Variants in MTMR12 observed in about 807,000 individuals in gnomAD.
MTMR12 encodes myotubularin-related protein 12.
A neutral mutation model predicts 96.7 loss-of-function variants in MTMR12; 33 were observed. That is an observed-to-expected ratio of 0.34 (90% confidence interval 0.26 to 0.46). The LOEUF is 0.46. Among genes scored for constraint, MTMR12 ranks in the 20% least tolerant of loss-of-function variants. MTMR12 has a pLI of 1.00. For missense variants in MTMR12, 721 were observed against 896.1 expected (o/e 0.80, Z 2.49); for synonymous variants, 298 against 327.2 (o/e 0.91, Z 0.96).
chr5:32,301,208 A>C (rs1751129116), intron 1 of MTMR12, among the ~76,000 whole-genome samples: 2 of 152,188 alleles, frequency 1.3e-5, no homozygotes. Context: ...GGCCAAGAGA[A>C]TACATTTGGG....
At chr5:32,281,842 G>A (rs747046222) in intron 1 of MTMR12, among the ~76,000 whole-genome samples, 1 of 151,672 alleles carries the variant, frequency 6.6e-6, no homozygotes, top group Non-Finnish European at 1.5e-5. Context: ...GGAGGCTGCA[G>A]TGAGCTGAGA....
chr5:32,241,246 T>A (rs1424568234), intron 12 of MTMR12, among the ~76,000 whole-genome samples: 2 of 152,202 alleles, frequency 1.3e-5, no homozygotes, highest in African/African-American at 4.8e-5. Flanking sequence ...TCTCATTAGG[T>A]TGCAAACTTC....
rs114595323 is a variant in MTMR12, at chr5:32,285,826, A to G, written c.82-9084T>C. Among the ~76,000 whole-genome samples, 283 of 152,216 alleles carry G rather than the reference A, an allele frequency of 1.9e-3. 1 individual carries two copies. Among genetic ancestry groups the G allele is most frequent in the African/African-American group, 6.5e-3 (271 of 41,526 alleles). ...AGACACACCTGCTGGAACCCATATC[A>G]CACAGCTGGTCTAGCATCAAAAAAG... On this transcript the variant is annotated intron_variant, in intron 1 of 15. Transcript: ENST00000382142.
At chr5:32,276,050 G>A (rs1025078739) in intron 2 of MTMR12, among the ~76,000 whole-genome samples, 1 of 152,182 alleles carries the variant, frequency 6.6e-6, no homozygotes, top group Non-Finnish European at 1.5e-5. Flanking sequence ...TTAAATACAT[G>A]GATCACAGAA....
intron 1 of MTMR12, among the ~76,000 whole-genome samples, chr5:32,280,701 C>T (rs538416365): frequency 6.6e-6 from 1 of 152,260 alleles, no homozygotes; most frequent in Admixed American, 6.5e-5. Flanking sequence ...GGGCCACAGT[C>T]CAAATATGGC....
chr5:32,241,851 T>C (rs1339133698), intron 12 of MTMR12, among the ~76,000 whole-genome samples: 4 of 152,234 alleles, frequency 2.6e-5, no homozygotes, highest in Non-Finnish European at 5.9e-5. Flanking sequence ...TGAATAGGTC[T>C]GCCAAGTGCA....
chr5:32,254,150 A>G (rs988834568), intron 8 of MTMR12, among the ~76,000 whole-genome samples: 2 of 152,194 alleles, frequency 1.3e-5, no homozygotes, highest in Admixed American at 6.5e-5. Flanking sequence ...AGACTGAAAG[A>G]TAGAGACTCT....
chr5:32,266,949 G>A (rs182285963), intron 6 of MTMR12, among the ~76,000 whole-genome samples: 2,752 of 149,928 alleles, frequency 0.018, 53 homozygotes, highest in Non-Finnish European at 0.029. Context: ...GCATGGTGGC[G>A]CACACCTGTA....
At chr5:32,286,613 G>A (rs1267545557) in intron 1 of MTMR12, among the ~76,000 whole-genome samples, 1 of 152,068 alleles carries the variant, frequency 6.6e-6, no homozygotes, top group African/African-American at 2.4e-5. Flanking sequence ...GTACCAGAAG[G>A]CTACAAAAGA....
rs1747872384 is a variant in MTMR12, at chr5:32,228,741, T to C, written c.*1037A>G. ...TCACTGAGGTATCATATGATAATCA[T>C]CACTTCTGATATTTATGTTTAAGCT... On this transcript the variant is annotated 3_prime_UTR_variant, in exon 16 of 16. Coordinates refer to ENST00000382142, the MANE Select transcript of MTMR12 (RefSeq NM_001040446.3). 1 of 151,432 alleles carries C rather than the reference T, an allele frequency of 6.6e-6. No homozygotes were observed. The highest frequency in any genetic ancestry group is 1.5e-5 in the Non-Finnish European group (1 of 67,908). The allele number at this position is 151,432 out of a possible 1,614,324, so 9.4% of individuals were successfully genotyped here.
At chr5:32,310,310 G>A (rs1356492589) in intron 1 of MTMR12, among the ~76,000 whole-genome samples, 1 of 152,056 alleles carries the variant, frequency 6.6e-6, no homozygotes, top group African/African-American at 2.4e-5. Context: ...CTCTAAAAAA[G>A]GAAGAAAGGA....
At chr5:32,309,072 T>C (rs1346798125) in intron 1 of MTMR12, among the ~76,000 whole-genome samples, 2 of 126,336 alleles carry the variant, frequency 1.6e-5, no homozygotes, top group African/African-American at 3.0e-5. Context: ...ATGTGACCAC[T>C]TCAGGCTTAT....
chr5:32,259,866 T>C (rs756905969), intron 7 of MTMR12, among the ~76,000 whole-genome samples: 1 of 151,858 alleles, frequency 6.6e-6, no homozygotes, highest in Non-Finnish European at 1.5e-5. Flanking sequence ...TGAAACCCCG[T>C]CTCTACCAAA....
chr5:32,272,465 C>T (rs1401439061), intron 3 of MTMR12, among the ~76,000 whole-genome samples: 2 of 152,004 alleles, frequency 1.3e-5, no homozygotes, highest in African/African-American at 4.8e-5. Flanking sequence ...CTGCAACCTC[C>T]ACCTCTCAGG....
At chr5:32,281,614 C>A (rs1750297173) in intron 1 of MTMR12, among the ~76,000 whole-genome samples, 1 of 152,138 alleles carries the variant, frequency 6.6e-6, no homozygotes, top group African/African-American at 2.4e-5. Flanking sequence ...TAAGAAACCA[C>A]ATCTGGGCCG....
chr5:32,308,415 A>C (rs567779547), intron 1 of MTMR12, among the ~76,000 whole-genome samples: 1 of 152,206 alleles, frequency 6.6e-6, no homozygotes, highest in South Asian at 2.1e-4. Context: ...ATAGGAGAGA[A>C]CAGTTCAGAA....
intron 15 of MTMR12, among the ~76,000 whole-genome samples, chr5:32,231,407 T>C (rs1747992320): frequency 7.5e-6 from 1 of 133,620 alleles, no homozygotes; most frequent in Non-Finnish European, 1.5e-5. Context: ...AAAAGGGTTG[T>C]AAAAGATGGA....
Position 32,233,851 on chromosome 5 carries a change from G to A in MTMR12, c.1596C>T (p.Ala532=), listed in dbSNP as rs756071823. Residue 532 remains alanine (A), a synonymous_variant, in exon 15 of 16, where the codon GCC becomes GCT. Transcript: ENST00000382142. The surrounding 1 kb of genome is among the most constrained non-coding windows in gnomAD (Gnocchi z 5.0). ...AAAGAGGGTTTTTGAGCAATGTCTGGGCTTTGGGTTCAAACTGCACCGACC... is the reference window on the plus strand; with the variant it reads ...AAAGAGGGTTTTTGAGCAATGTCTGAGCTTTGGGTTCAAACTGCACCGACC... ...WDWSVQFEPK[A]QTLLKNPLYV... is the part of the protein sequence containing the mutation. 12 of 1,614,016 alleles carry A rather than the reference G, an allele frequency of 7.4e-6. No individual in the cohort carries two copies. The South Asian group carries it at 1.3e-4, about 18-fold the overall frequency.
chr5:32,308,846 AC>A (rs1751460557), intron 1 of MTMR12, among the ~76,000 whole-genome samples: 1 of 151,920 alleles, frequency 6.6e-6, no homozygotes, highest in Non-Finnish European at 1.5e-5. Flanking sequence ...CTCATGATCC[AC>A]CCACCTCGGC....
Sources: allele counts gnomAD v4.1 joint callset (sites outside exome capture counted in the v4.1 genomes callset), GRCh38; gene constraint gnomAD v4.1.1; non-coding constraint Gnocchi (gnomAD v3.1); transcripts MANE v1.5; gene names NCBI Gene and HGNC (gene_info 2026-07-23, HGNC 2026-07-21).